B3GALNT2: variants seen among roughly 807,000 people sequenced by gnomAD.
B3GALNT2 encodes the protein beta-1,3-N-acetylgalactosaminyltransferase 2.
A neutral mutation model predicts 61.1 loss-of-function variants in B3GALNT2; 53 were observed. The ratio of observed to expected loss-of-function variants is 0.87; its 90% CI spans 0.70 to 1.09. The LOEUF (loss-of-function observed/expected upper bound fraction) is 1.09, where lower values mean the gene tolerates loss of function less well. Ranked by LOEUF, B3GALNT2 falls within the 50% of genes least tolerant of loss-of-function variation. The pLI is 0.00. For missense variants in B3GALNT2, 544 were observed against 623.0 expected (o/e 0.87, Z 1.35); for synonymous variants, 223 against 237.4 (o/e 0.94, Z 0.56).
At chr1:235,458,363 G>A (rs1683263112) in intron 8 of B3GALNT2, among the ~76,000 whole-genome samples, 1 of 152,062 alleles carries the variant, frequency 6.6e-6, no homozygotes, top group East Asian at 1.9e-4. Context: ...TGAAATCTCA[G>A]TGGTTTGAAG....
At position 235,460,115 on chromosome 1, in the gene B3GALNT2, C is replaced by CTT. The variant is rs546675244; in HGVS notation, c.842-1331_842-1330dup. On this transcript the variant is annotated intron_variant, in intron 7 of 11. Coordinates refer to ENST00000366600, the MANE Select transcript of B3GALNT2 (RefSeq NM_152490.5). ...GCATATAATGTTTTCTTTCTTTCCTCTTTCTTTTTTGTTTTTGAGACACAG... is the reference window on the plus strand; with the variant it reads ...GCATATAATGTTTTCTTTCTTTCCTCTTTTTCTTTTTTGTTTTTGAGACACAG... Among the ~76,000 whole-genome samples the CTT allele has an allele frequency of 6.9e-3, 1,054 of 151,854 alleles. 7 individuals are homozygous for CTT. Among genetic ancestry groups the CTT allele is most frequent in the Non-Finnish European group, 1.0e-2 (679 of 67,970 alleles).
At chr1:235,499,112 G>A (rs1294682147) in intron 1 of B3GALNT2, among the ~76,000 whole-genome samples, 1 of 152,042 alleles carries the variant, frequency 6.6e-6, no homozygotes, top group East Asian at 1.9e-4. Context: ...AATAAATTAT[G>A]GTGTAGCTAT....
chr1:235,474,987 A>ATTTTTTTTT (rs1160445883), intron 5 of B3GALNT2, among the ~76,000 whole-genome samples: 12 of 35,572 alleles, frequency 3.4e-4, no homozygotes, highest in Admixed American at 5.2e-4. Context: ...ATATATATAT[A>ATTTTTTTTT]TTTTTTTTTT....
chr1:235,445,618 A>C (rs1682204083), downstream of B3GALNT2, among the ~76,000 whole-genome samples: 2 of 152,198 alleles, frequency 1.3e-5, no homozygotes. Flanking sequence ...CCTGGGTGAC[A>C]GAGTGAGGCC....
intron 7 of B3GALNT2, 34 bp from the exon 8 acceptor site, chr1:235,458,820 G>T: frequency 6.5e-7 from 1 of 1,532,450 alleles, no homozygotes. Flanking sequence ...GGAGAAAAAT[G>T]CTGTTGTAAA....
chr1:235,443,328 G>C (rs1032694445), downstream of B3GALNT2, among the ~76,000 whole-genome samples: 5 of 152,092 alleles, frequency 3.3e-5, no homozygotes, highest in African/African-American at 7.2e-5. Context: ...CAGCCTCCAC[G>C]TAGCTGGGAC....
the B3GALNT2 span, among the ~76,000 whole-genome samples, chr1:235,442,100 C>A: frequency 5.3e-5 from 8 of 151,932 alleles, no homozygotes; most frequent in African/African-American, 1.9e-4. Context: ...CTCCGCCTCC[C>A]AGGTTCTAAG....
intron 1 of B3GALNT2, chr1:235,496,353 T>G (rs1215919663): frequency 1.0e-6 from 1 of 987,064 alleles, no homozygotes; most frequent in Non-Finnish European, 1.3e-6. Context: ...ATAGAGGTAT[T>G]TATTATTTCA....
At position 235,465,635 on chromosome 1, in the gene B3GALNT2, C is replaced by T. The variant is rs767267288; in HGVS notation, c.841+1G>A. 2 of 1,613,680 alleles carry T rather than the reference C, an allele frequency of 1.2e-6. No individual in the cohort carries two copies. Among genetic ancestry groups the T allele is most frequent in the South Asian group, 1.1e-5 (1 of 91,038 alleles). ...TTTCAAGTTTCAACTAGCAAACTTA[C>T]CCTGAATAGTATATATAAAACCACC... On this transcript the variant is annotated splice_donor_variant, in intron 7 of 11. Coordinates refer to ENST00000366600, the MANE Select transcript of B3GALNT2 (RefSeq NM_152490.5). LOFTEE classifies it high-confidence loss of function.
intron 4 of B3GALNT2, among the ~76,000 whole-genome samples, chr1:235,482,439 CA>C (rs1432415392): frequency 6.6e-6 from 1 of 152,030 alleles, no homozygotes; most frequent in Non-Finnish European, 1.5e-5. Context: ...ACAAATTCTT[CA>C]TATAAACTCT....
In B3GALNT2 at chr1:235,459,380, C is replaced by T. The variant is rs192228930; in HGVS notation, c.842-594G>A. ...GCTTATGCCTGTAATCCCAGCACTC[C>T]GTGAAGCCGAGGGAGGAGAATCGCT... On this transcript the variant is annotated intron_variant, in intron 7 of 11. Coordinates refer to ENST00000366600, the MANE Select transcript of B3GALNT2 (RefSeq NM_152490.5). Among the ~76,000 whole-genome samples, 36 of 152,220 alleles carry T rather than the reference C, an allele frequency of 2.4e-4. No homozygotes were observed. In the East Asian group the frequency reaches 6.2e-3, roughly 26 times the overall value.
chr1:235,448,898 A>AT lies in B3GALNT2; in HGVS notation c.*1307dup, dbSNP rs1383471326. On this transcript the variant is annotated 3_prime_UTR_variant, in exon 12 of 12. Transcript: ENST00000366600. Reference sequence around the variant, plus strand: ...TTGTCCTAAGTATAACAAGGGATGTATTTTTTGTTGGGAAGTGACCATTTC... The same window carrying AT: ...TTGTCCTAAGTATAACAAGGGATGTATTTTTTTGTTGGGAAGTGACCATTTC... 2.1e-5 allele frequency: 15 copies of AT among 723,166 alleles called. No individual in the cohort carries two copies. In the East Asian group the frequency reaches 2.2e-4, roughly 11 times the overall value. 44.8% of individuals were successfully genotyped at this position (723,166 alleles called of 1,614,324 possible).
chr1:235,443,183 C>CATATAT (rs202164530), downstream of B3GALNT2, among the ~76,000 whole-genome samples: 53 of 145,258 alleles, frequency 3.6e-4, no homozygotes, highest in African/African-American at 1.2e-3. Flanking sequence ...CACACACACA[C>CATATAT]ACATATATAT....
chr1:235,441,733 A>G, the B3GALNT2 span: 2 of 1,323,940 alleles, frequency 1.5e-6, no homozygotes, highest in Admixed American at 1.8e-5. Context: ...ACGCTTACCT[A>G]TCCTTTGTTT....
At chr1:235,441,940 G>A in the B3GALNT2 span, 1 of 1,453,968 alleles carries the variant, frequency 6.9e-7, no homozygotes, top group Non-Finnish European at 9.6e-7. Flanking sequence ...TGCTGAAACA[G>A]TTAGTGTGTT....
intron 3 of B3GALNT2, among the ~76,000 whole-genome samples, chr1:235,485,262 C>T (rs1204515686): frequency 6.6e-6 from 1 of 152,162 alleles, no homozygotes; most frequent in Admixed American, 6.5e-5. Flanking sequence ...AAAGTCAGTC[C>T]CCTTTCCACT....
downstream of B3GALNT2, among the ~76,000 whole-genome samples, chr1:235,443,343 C>T (rs796304172): frequency 1.3e-5 from 2 of 152,008 alleles, no homozygotes; most frequent in South Asian, 4.2e-4. Context: ...TGGGACTACA[C>T]GTGCGAGCCA....
chr1:235,501,589 C>G (rs1488209057), intron 1 of B3GALNT2, among the ~76,000 whole-genome samples: 1 of 152,224 alleles, frequency 6.6e-6, no homozygotes, highest in East Asian at 1.9e-4. Flanking sequence ...TGCTGTAATT[C>G]CACACCTACG....
chr1:235,492,196 T>G (rs926501982), intron 2 of B3GALNT2, among the ~76,000 whole-genome samples: 2 of 152,176 alleles, frequency 1.3e-5, no homozygotes, highest in African/African-American at 2.4e-5. Flanking sequence ...TAATTACCAA[T>G]TAAGGCAGAA....
Sources: allele counts gnomAD v4.1 joint callset (sites outside exome capture counted in the v4.1 genomes callset), GRCh38; gene constraint gnomAD v4.1.1; transcripts MANE v1.5; gene names NCBI Gene and HGNC (gene_info 2026-07-23, HGNC 2026-07-21).